The following GALNT13 variants were observed in gnomAD, a reference collection of about 807,000 sequenced individuals.
GALNT13 encodes the protein UDP-GalNAc:polypeptide N-acetylgalactosaminyltransferase 13.
Under a neutral mutation model 64.2 loss-of-function variants are expected in GALNT13, and 28 were observed. The observed-to-expected ratio is 0.44, with a 90% CI of 0.32 to 0.60. The LOEUF (loss-of-function observed/expected upper bound fraction) is 0.60, where lower values mean the gene tolerates loss of function less well. GALNT13 is among the 20% of genes least tolerant of loss of function. The pLI, the probability that GALNT13 is intolerant of heterozygous loss-of-function variation, is 0.05. For missense variants in GALNT13, 577 were observed against 669.8 expected (o/e 0.86, Z 1.53); for synonymous variants, 214 against 224.6 (o/e 0.95, Z 0.42).
chr2:153,705,492 A>G, the GALNT13 span, among the ~76,000 whole-genome samples: 1 of 151,970 alleles, frequency 6.6e-6, no homozygotes, highest in Non-Finnish European at 1.5e-5. Flanking sequence ...TCTCTTACGT[A>G]TCTGCAGTTG....
chr2:153,130,730 G>C, the GALNT13 span, among the ~76,000 whole-genome samples: 1 of 152,102 alleles, frequency 6.6e-6, no homozygotes, highest in Non-Finnish European at 1.5e-5. Flanking sequence ...AAGATCCCTA[G>C]AAAATTATGA....
At chr2:153,708,038 C>T in the GALNT13 span, among the ~76,000 whole-genome samples, 3 of 152,066 alleles carry the variant, frequency 2.0e-5, no homozygotes, top group African/African-American at 7.2e-5. Context: ...CATGTTAAAA[C>T]GGATCTTTCC....
rs775665716 is a variant in GALNT13, at chr2:154,417,193, C to CT, written c.1395+8112dup. On this transcript the variant is annotated intron_variant, in intron 11 of 12. Transcript: ENST00000392825. ...CAGTGTAGTTTCCCCAAACTCCAGC[C>CT]TGTCCCTATCTTCATTCCACCTTCC... 7.3e-5 allele frequency among the ~76,000 whole-genome samples: 11 copies of CT among 151,340 alleles called. 1 individual carries two copies. The Middle Eastern group carries it at 0.017, about 236-fold the overall frequency.
chr2:153,265,212 C>T, the GALNT13 span, among the ~76,000 whole-genome samples: 2 of 152,298 alleles, frequency 1.3e-5, no homozygotes, highest in South Asian at 2.1e-4. Context: ...TCCCCCATGT[C>T]CATGGGCTCT....
At chr2:153,175,667 A>T in the GALNT13 span, among the ~76,000 whole-genome samples, 1 of 152,320 alleles carries the variant, frequency 6.6e-6, no homozygotes, top group African/African-American at 2.4e-5. Flanking sequence ...GCTTTCAGGT[A>T]GAAACACTAG....
At chr2:153,464,374 A>G in the GALNT13 span, among the ~76,000 whole-genome samples, 18 of 152,188 alleles carry the variant, frequency 1.2e-4, no homozygotes, top group Middle Eastern at 3.4e-3. Context: ...CTCTGATCAG[A>G]GTTTAAGACC....
chr2:154,404,769 G>T (rs975842648), intron 10 of GALNT13, among the ~76,000 whole-genome samples: 1 of 152,092 alleles, frequency 6.6e-6, no homozygotes, highest in African/African-American at 2.4e-5. Flanking sequence ...AAAAGGAAAT[G>T]AATGGTCCAG....
the GALNT13 span, among the ~76,000 whole-genome samples, chr2:153,548,341 G>A: frequency 1.3e-5 from 2 of 152,112 alleles, no homozygotes; most frequent in Non-Finnish European, 2.9e-5. Context: ...GCCACTACAG[G>A]CCAATATTAA....
chr2:153,406,572 T>G, the GALNT13 span, among the ~76,000 whole-genome samples: 2 of 152,114 alleles, frequency 1.3e-5, no homozygotes, highest in Non-Finnish European at 2.9e-5. Flanking sequence ...CACATCAGGC[T>G]AATTTTTGTA....
the GALNT13 span, among the ~76,000 whole-genome samples, chr2:153,416,536 T>A: frequency 1.3e-5 from 2 of 152,250 alleles, no homozygotes; most frequent in African/African-American, 2.4e-5. Flanking sequence ...CTTGCTGTTT[T>A]GTATGTTAAA....
At chr2:153,340,863 G>A in the GALNT13 span, among the ~76,000 whole-genome samples, 8 of 152,078 alleles carry the variant, frequency 5.3e-5, no homozygotes, top group Non-Finnish European at 1.0e-4. Context: ...TTTTAGGAGA[G>A]GCAGCATGAT....
the GALNT13 span, among the ~76,000 whole-genome samples, chr2:153,524,636 A>G: frequency 6.6e-6 from 1 of 152,116 alleles, no homozygotes; most frequent in African/African-American, 2.4e-5. Flanking sequence ...CAGTCCTGTT[A>G]CAGTGGAAAC....
the GALNT13 span, among the ~76,000 whole-genome samples, chr2:153,649,885 C>G: frequency 2.6e-5 from 4 of 152,022 alleles, no homozygotes; most frequent in African/African-American, 9.7e-5. Flanking sequence ...TTACTTCCAA[C>G]TATGTGGTCA....
the GALNT13 span, among the ~76,000 whole-genome samples, chr2:153,119,509 A>G: frequency 6.6e-6 from 1 of 152,236 alleles, no homozygotes; most frequent in African/African-American, 2.4e-5. Context: ...CGCAATATAT[A>G]GTGTTAAATA....
chr2:154,350,156 T>C (rs914933568), intron 9 of GALNT13, among the ~76,000 whole-genome samples: 1 of 152,198 alleles, frequency 6.6e-6, no homozygotes, highest in African/African-American at 2.4e-5. Context: ...ATGGTTAACA[T>C]TGAGTGTCAA....
the GALNT13 span, among the ~76,000 whole-genome samples, chr2:153,630,792 TA>T: frequency 4.0e-4 from 5 of 12,398 alleles, no homozygotes; most frequent in Admixed American, 8.8e-4. Context: ...TATATATATA[TA>T]TATATATATA....
At chr2:154,156,376 T>C (rs2105647666) in intron 4 of GALNT13, among the ~76,000 whole-genome samples, 1 of 152,192 alleles carries the variant, frequency 6.6e-6, no homozygotes, top group South Asian at 2.1e-4. Flanking sequence ...TAAGCTTACG[T>C]AGCATAGTGA....
At chr2:154,252,749 A>AGAT (rs1690148037) in intron 7 of GALNT13, among the ~76,000 whole-genome samples, 2 of 151,486 alleles carry the variant, frequency 1.3e-5, no homozygotes, top group African/African-American at 4.9e-5. Flanking sequence ...ATAGATAGAT[A>AGAT]GATAGATAGA....
the GALNT13 span, among the ~76,000 whole-genome samples, chr2:153,668,988 C>G: frequency 6.6e-6 from 1 of 152,160 alleles, no homozygotes; most frequent in Non-Finnish European, 1.5e-5. Flanking sequence ...GAGATGGGCC[C>G]TGTCTGAATT....
Sources: gnomAD v4.1 joint callset for allele counts (sites outside exome capture counted in the v4.1 genomes callset) on GRCh38, gnomAD v4.1.1 for gene constraint, MANE v1.5 for transcripts, NCBI Gene and HGNC (gene_info 2026-07-23, HGNC 2026-07-21) for gene names.